Variants in MATN2 observed in about 807,000 individuals in gnomAD.
MATN2 encodes matrilin 2.
MATN2 carries 69 observed loss-of-function variants against 103.2 expected under a neutral mutation model. That is an observed-to-expected ratio of 0.67 (90% CI 0.55 to 0.82). The LOEUF (loss-of-function observed/expected upper bound fraction) is 0.82, where lower values mean the gene tolerates loss of function less well. MATN2 is among the 40% of genes least tolerant of loss of function. MATN2 has a pLI of 0.00. For missense variants in MATN2, 1,023 were observed against 1,211.5 expected, an observed-to-expected ratio of 0.84 and a Z score of 2.31; for synonymous variants, 429 against 450.2, an observed-to-expected ratio of 0.95 and a Z score of 0.60.
rs545622049 is a variant in MATN2 at position 97,986,314 on chromosome 8, A to G, written c.1081+7306A>G. ...TTAAATTAAATTATTTATGATTTCA[A>G]TAGGTTTTTGGGGAGCAGGTGGTGT... On this transcript the variant is annotated intron_variant, in intron 6 of 18. Transcript: ENST00000254898. 4.1e-4 allele frequency among the ~76,000 whole-genome samples: 63 copies of G among 152,338 alleles called. 1 individual carries two copies. Among genetic ancestry groups the G allele is most frequent in the Admixed American group, 2.1e-3 (32 of 15,298 alleles).
chr8:97,921,089 A>C (rs1809792707), intron 2 of MATN2, among the ~76,000 whole-genome samples: 1 of 152,176 alleles, frequency 6.6e-6, no homozygotes, highest in Admixed American at 6.5e-5. Context: ...TCATCTTACT[A>C]GTTTCTACTC....
intron 10 of MATN2, among the ~76,000 whole-genome samples, chr8:98,012,180 T>C (rs1238779245): frequency 6.6e-6 from 1 of 152,170 alleles, no homozygotes; most frequent in African/African-American, 2.4e-5. Context: ...TTACCCTCGT[T>C]CTCTACAAAT....
rs990438778 is a variant in MATN2 at position 97,946,614 on chromosome 8, C to A, written c.835+4715C>A. 7.9e-5 allele frequency among the ~76,000 whole-genome samples: 12 copies of A among 152,204 alleles called. No individual in the cohort carries two copies. In the South Asian group the frequency reaches 2.1e-3, roughly 26 times the overall value. On this transcript the variant is annotated intron_variant, in intron 4 of 18. Coordinates refer to ENST00000254898, the MANE Select transcript of MATN2 (RefSeq NM_002380.5). ...ACTAAGAAAGAACTTTATCTTGTTT[C>A]TTTTTCTTGATATATTTTCAAAATA...
chr8:97,875,777 G>C (rs1400415202), intron 1 of MATN2, among the ~76,000 whole-genome samples: 1 of 124,312 alleles, frequency 8.0e-6, no homozygotes, highest in Non-Finnish European at 1.6e-5. Context: ...CTCACTGCAA[G>C]CTCCACCTCC....
chr8:97,883,574 G>A (rs1160719433), intron 1 of MATN2, among the ~76,000 whole-genome samples: 1 of 130,348 alleles, frequency 7.7e-6, no homozygotes, highest in Admixed American at 8.3e-5. Context: ...TTTTTTTTGA[G>A]ACAGAGTCTC....
intron 4 of MATN2, among the ~76,000 whole-genome samples, chr8:97,948,896 C>T (rs891589874): frequency 6.6e-6 from 1 of 152,148 alleles, no homozygotes; most frequent in Admixed American, 6.5e-5. Context: ...ATTTGCTCTT[C>T]AGTACTCTGC....
intron 7 of MATN2, among the ~76,000 whole-genome samples, chr8:98,002,693 G>A (rs1417711752): frequency 6.6e-6 from 1 of 152,144 alleles, no homozygotes; most frequent in African/African-American, 2.4e-5. Flanking sequence ...GAGGGAAAAT[G>A]CTGGAGAATC....
chr8:97,888,590 T>C (rs911762741), intron 2 of MATN2, among the ~76,000 whole-genome samples: 2 of 152,082 alleles, frequency 1.3e-5, no homozygotes, highest in African/African-American at 4.8e-5. Flanking sequence ...GCTAGATCTG[T>C]TAATAATGCT....
intron 2 of MATN2, among the ~76,000 whole-genome samples, chr8:97,909,945 G>A (rs1819311893): frequency 6.6e-6 from 1 of 151,948 alleles, no homozygotes; most frequent in Admixed American, 6.6e-5. Context: ...AACCATGCCT[G>A]GCTAATTTTT....
chr8:97,928,328 G>A (rs1810061485), intron 2 of MATN2, among the ~76,000 whole-genome samples: 1 of 146,738 alleles, frequency 6.8e-6, no homozygotes, highest in African/African-American at 2.5e-5. Context: ...CTGGGTTCAA[G>A]TGATTCTCCC....
intron 4 of MATN2, among the ~76,000 whole-genome samples, chr8:97,950,471 A>G (rs1810909095): frequency 6.6e-6 from 1 of 152,190 alleles, no homozygotes; most frequent in Non-Finnish European, 1.5e-5. Context: ...GCCTTCACTC[A>G]TCCGCTCATT....
chr8:97,919,828 A>AC (rs1200845989), intron 2 of MATN2, among the ~76,000 whole-genome samples: 4 of 152,202 alleles, frequency 2.6e-5, no homozygotes, highest in Non-Finnish European at 5.9e-5. Context: ...TGTGTGAGAT[A>AC]CTGGTGGAAG....
intron 3 of MATN2, among the ~76,000 whole-genome samples, chr8:97,936,991 A>T (rs1810389525): frequency 6.6e-6 from 1 of 152,166 alleles, no homozygotes; most frequent in Admixed American, 6.5e-5. Context: ...GGAAATAAGG[A>T]TGGCAGTTGT....
At chr8:97,910,787 T>C (rs541005802) in intron 2 of MATN2, among the ~76,000 whole-genome samples, 1 of 152,302 alleles carries the variant, frequency 6.6e-6, no homozygotes, top group African/African-American at 2.4e-5. Context: ...TAAATTACCC[T>C]AACTTCTCTG....
chr8:97,942,963 A>G (rs1340452842), intron 4 of MATN2, among the ~76,000 whole-genome samples: 3 of 152,156 alleles, frequency 2.0e-5, no homozygotes, highest in African/African-American at 7.2e-5. Flanking sequence ...GGAAACCCAA[A>G]GCCCTCTGGA....
chr8:97,869,453 C>A (rs1232243058), intron 1 of MATN2, among the ~76,000 whole-genome samples, 166 bp downstream of exon 1: 2 of 152,016 alleles, frequency 1.3e-5, no homozygotes, highest in African/African-American at 2.4e-5. Context: ...CGCCTTCGAC[C>A]CCTCCGAGGA....
intron 1 of MATN2, among the ~76,000 whole-genome samples, chr8:97,874,036 T>A (rs1250009471): frequency 2.6e-5 from 4 of 152,202 alleles, no homozygotes; most frequent in Non-Finnish European, 5.9e-5. Context: ...ATAGAAAAAA[T>A]GCCCTCATGT....
intron 2 of MATN2, among the ~76,000 whole-genome samples, chr8:97,925,724 G>C (rs1350073083): frequency 1.3e-5 from 2 of 152,154 alleles, no homozygotes; most frequent in Admixed American, 1.3e-4. Flanking sequence ...AAGATCATTT[G>C]GACAGAAAGT....
Position 98,027,579 on chromosome 8 carries a change from GGTCCACACAGA to G in MATN2, c.2109_2119del (p.Thr705SerfsTer35). 1 of 1,613,862 alleles carries G rather than the reference GGTCCACACAGA, an allele frequency of 6.2e-7. No homozygotes were observed. Among genetic ancestry groups the G allele is most frequent in the Non-Finnish European group, 8.5e-7 (1 of 1,179,842 alleles). On this transcript the variant is annotated frameshift_variant, in exon 14 of 19. Transcript: ENST00000254898. LOFTEE classifies it high-confidence loss of function. ...TGGGGCTGCTCCAGTATTCCACACA[GGTCCACACAGA>G]GTTCACTCTGAGAAACTTCAACTCA...
Sources: allele counts gnomAD v4.1 joint callset (sites outside exome capture counted in the v4.1 genomes callset), GRCh38; gene constraint gnomAD v4.1.1; transcripts MANE v1.5; gene names NCBI Gene and HGNC (gene_info 2026-07-23, HGNC 2026-07-21).